The following SNX25 variants were observed in gnomAD, a reference collection of about 807,000 sequenced individuals.
SNX25 encodes the protein sorting nexin 25.
Under a neutral mutation model 113.7 loss-of-function variants are expected in SNX25, and 62 were observed. The observed-to-expected ratio is 0.55, with a 90% CI of 0.44 to 0.67. The LOEUF is 0.67. SNX25 is among the 30% of genes least tolerant of loss of function. The probability of loss-of-function intolerance (pLI) is 0.00; values close to 1 mark genes in which losing one functional copy is unlikely to be tolerated. For missense variants in SNX25, 1,014 were observed against 1,161.0 expected, an observed-to-expected ratio of 0.87 and a Z score of 1.84; for synonymous variants, 421 against 436.2, an observed-to-expected ratio of 0.97 and a Z score of 0.43.
At chr4:185,215,824 C>G (rs959569987) in intron 1 of SNX25, among the ~76,000 whole-genome samples, 2 of 149,512 alleles carry the variant, frequency 1.3e-5, no homozygotes, top group Non-Finnish European at 3.0e-5. Context: ...GGATCTGGCT[C>G]TTTCGCCCAG....
At chr4:185,222,689 T>C (rs1740189797) in intron 1 of SNX25, among the ~76,000 whole-genome samples, 2 of 152,238 alleles carry the variant, frequency 1.3e-5, no homozygotes, top group South Asian at 4.1e-4. Context: ...TCCCTCTGTG[T>C]CTTTAAGGCC....
chr4:185,298,090 C>CTT (rs1560982438), intron 6 of SNX25, among the ~76,000 whole-genome samples: 1 of 99,996 alleles, frequency 1.0e-5, no homozygotes, highest in South Asian at 3.9e-4. Flanking sequence ...ATTATAGTAA[C>CTT]TTCTTTTTTT....
At chr4:185,371,795 G>GA (rs1349156564), downstream of SNX25, among the ~76,000 whole-genome samples, 2 of 152,182 alleles carry the variant, frequency 1.3e-5, no homozygotes, top group Non-Finnish European at 2.9e-5. Context: ...GCTGCCTGGA[G>GA]CCCGAGACGC....
intron 6 of SNX25, among the ~76,000 whole-genome samples, chr4:185,301,082 G>A (rs1348406540): frequency 6.6e-6 from 1 of 152,078 alleles, no homozygotes; most frequent in African/African-American, 2.4e-5. Flanking sequence ...AGAGGGTCCT[G>A]CCCCATACCC....
At chr4:185,372,735 C>T (rs1285878161), downstream of SNX25, 3 of 748,702 alleles carry the variant, frequency 4.0e-6, no homozygotes, top group Admixed American at 2.8e-5. Context: ...TGGTCCTCCC[C>T]TCTGGAGGTT....
intron 1 of SNX25, among the ~76,000 whole-genome samples, chr4:185,212,182 T>TGCCTAA (rs1472555157): frequency 1.3e-5 from 2 of 152,110 alleles, no homozygotes; most frequent in Admixed American, 1.3e-4. Flanking sequence ...TTCACCATGT[T>TGCCTAA]GCCTAGGCTG....
chr4:185,263,680 GT>G (rs1237625047), intron 3 of SNX25, among the ~76,000 whole-genome samples: 2 of 152,124 alleles, frequency 1.3e-5, no homozygotes, highest in Non-Finnish European at 2.9e-5. Flanking sequence ...TCTGCTTCAT[GT>G]TTTTTCTCAT....
intron 1 of SNX25, among the ~76,000 whole-genome samples, chr4:185,244,522 T>G (rs1744547051): frequency 6.6e-6 from 1 of 152,196 alleles, no homozygotes; most frequent in African/African-American, 2.4e-5. Flanking sequence ...TTCCTCAATT[T>G]TTTTTTCTGT....
downstream of SNX25, chr4:185,365,108 G>A (rs1031471934): frequency 1.3e-5 from 2 of 152,070 alleles, no homozygotes; most frequent in African/African-American, 4.8e-5. Flanking sequence ...AGGTCAAGGG[G>A]TTTACTACTG....
At chr4:185,302,309 C>T (rs1753815857) in intron 6 of SNX25, among the ~76,000 whole-genome samples, 1 of 152,054 alleles carries the variant, frequency 6.6e-6, no homozygotes, top group African/African-American at 2.4e-5. Flanking sequence ...AAAGAGGGGG[C>T]TGTGGGAACC....
intron 6 of SNX25, among the ~76,000 whole-genome samples, chr4:185,300,840 G>GACACACACAC (rs58762122): frequency 0.11 from 15,445 of 140,616 alleles, 989 homozygotes; most frequent in African/African-American, 0.14. Flanking sequence ...TGATTATTAT[G>GACACACACAC]ACACACACAC....
At chr4:185,220,533 G>A (rs1483968507) in intron 1 of SNX25, among the ~76,000 whole-genome samples, 1 of 149,764 alleles carries the variant, frequency 6.7e-6, no homozygotes, top group Non-Finnish European at 1.5e-5. Flanking sequence ...CCCAGGCTGG[G>A]GTGCAGTGTG....
chr4:185,313,716 A>G (rs112054601), intron 7 of SNX25, among the ~76,000 whole-genome samples: 13 of 152,320 alleles, frequency 8.5e-5, no homozygotes, highest in African/African-American at 2.4e-4. Context: ...CCCTTGAACA[A>G]TGTGGGGGTT....
intron 8 of SNX25, among the ~76,000 whole-genome samples, chr4:185,321,934 T>C (rs868374725): frequency 6.6e-6 from 1 of 152,214 alleles, no homozygotes; most frequent in African/African-American, 2.4e-5. Context: ...ATGTACATAG[T>C]TACACGCAAA....
chr4:185,307,546 C>A (rs764974402), intron 6 of SNX25, among the ~76,000 whole-genome samples: 23 of 152,154 alleles, frequency 1.5e-4, no homozygotes, highest in Non-Finnish European at 2.8e-4. Flanking sequence ...CTTTTACCCC[C>A]TCACTCCACA....
In SNX25 at chr4:185,210,384, T is replaced by TG. The variant is rs574907733; in HGVS notation, c.429+132dup. ...AGCGGGAAGCCGGGAGCCAGGGGGC[T>TG]GGGCTGCGGGCCCGGCCGTGGACGC... On this transcript the variant is annotated intron_variant, in intron 1 of 18. Coordinates refer to ENST00000652585, the MANE Select transcript of SNX25 (RefSeq NM_001378034.2). The surrounding 1 kb of genome is among the most constrained non-coding windows in gnomAD (Gnocchi z 4.4). 1.2e-3 allele frequency: 1,156 copies of TG among 955,562 alleles called. 16 individuals carry two copies. The African/African-American group carries it at 0.019, about 16-fold the overall frequency. The allele number at this position is 955,562 out of a possible 1,614,324, so 59.2% of individuals were successfully genotyped here.
chr4:185,224,038 C>T (rs1261073867), intron 1 of SNX25, among the ~76,000 whole-genome samples: 1 of 152,010 alleles, frequency 6.6e-6, no homozygotes, highest in Non-Finnish European at 1.5e-5. Flanking sequence ...ACCAATTCCC[C>T]CATTGTGTGT....
chr4:185,274,602 A>G (rs912084016), intron 5 of SNX25, among the ~76,000 whole-genome samples: 8 of 152,306 alleles, frequency 5.3e-5, no homozygotes, highest in South Asian at 2.1e-4. Context: ...TCTACTTCCC[A>G]CACAAGCATG....
intron 5 of SNX25, among the ~76,000 whole-genome samples, chr4:185,275,411 T>C (rs1251117771): frequency 6.6e-6 from 1 of 152,162 alleles, no homozygotes; most frequent in Non-Finnish European, 1.5e-5. Context: ...TTTACTAGGA[T>C]AAAGCAAGAG....
Sources: allele counts gnomAD v4.1 joint callset (sites outside exome capture counted in the v4.1 genomes callset), GRCh38; gene constraint gnomAD v4.1.1; non-coding constraint Gnocchi (gnomAD v3.1); transcripts MANE v1.5; gene names NCBI Gene and HGNC (gene_info 2026-07-23, HGNC 2026-07-21).